The following PKIB variants were observed in gnomAD, a reference collection of about 807,000 sequenced individuals.
PKIB encodes the protein PKI-beta.
Under a neutral mutation model 4.5 loss-of-function variants are expected in PKIB, and 2 were observed. That is an observed-to-expected ratio of 0.44 (90% CI 0.18 to 1.39). The LOEUF is 1.39. Ranked by LOEUF, PKIB falls within the 40% of genes most tolerant of loss-of-function variation. PKIB has a pLI of 0.27. For missense variants in PKIB, 94 were observed against 92.6 expected, an observed-to-expected ratio of 1.02 and a Z score of -0.06; for synonymous variants, 38 against 36.0, an observed-to-expected ratio of 1.06 and a Z score of -0.20.
chr6:122,541,343 G>A (rs1582686641), intron 2 of PKIB, among the ~76,000 whole-genome samples: 1 of 151,980 alleles, frequency 6.6e-6, no homozygotes, highest in African/African-American at 2.4e-5. Flanking sequence ...TCCATGTTTA[G>A]TGCTTCCTTC....
chr6:122,488,604 A>T (rs927852688), intron 2 of PKIB, among the ~76,000 whole-genome samples: 4 of 147,596 alleles, frequency 2.7e-5, no homozygotes, highest in Non-Finnish European at 6.0e-5. Flanking sequence ...TAATTTTTGT[A>T]TTTTTTTTTT....
chr6:122,642,135 A>G (rs1408391669), intron 2 of PKIB, among the ~76,000 whole-genome samples: 1 of 152,226 alleles, frequency 6.6e-6, no homozygotes, highest in African/African-American at 2.4e-5. Context: ...CTTTGTTTCC[A>G]TGTTCAGACT....
At chr6:122,639,434 T>G (rs751346026) in intron 2 of PKIB, among the ~76,000 whole-genome samples, 2 of 152,190 alleles carry the variant, frequency 1.3e-5, no homozygotes, top group Non-Finnish European at 2.9e-5. Context: ...AATTCTTCAT[T>G]CCGTAAGTGT....
chr6:122,504,057 A>T (rs1776327012), intron 2 of PKIB, among the ~76,000 whole-genome samples: 1 of 152,108 alleles, frequency 6.6e-6, no homozygotes, highest in Admixed American at 6.5e-5. Flanking sequence ...CTAATGAGAG[A>T]TATATTCATA....
At chr6:122,649,845 G>C (rs1776479799) in intron 2 of PKIB, among the ~76,000 whole-genome samples, 2 of 152,146 alleles carry the variant, frequency 1.3e-5, no homozygotes, top group South Asian at 4.2e-4. Flanking sequence ...TTTGCACTGT[G>C]ATTCACCTTC....
At chr6:122,580,614 A>G (rs1412343248) in intron 2 of PKIB, among the ~76,000 whole-genome samples, 5 of 152,132 alleles carry the variant, frequency 3.3e-5, no homozygotes, top group African/African-American at 1.2e-4. Context: ...TAGGCTTTTC[A>G]GGCTGCTGAA....
chr6:122,569,233 G>T (rs1773285770), intron 2 of PKIB, among the ~76,000 whole-genome samples: 1 of 152,160 alleles, frequency 6.6e-6, no homozygotes, highest in African/African-American at 2.4e-5. Context: ...GAGCTTTATA[G>T]CTCCACCTAT....
intron 2 of PKIB, among the ~76,000 whole-genome samples, chr6:122,507,925 T>A (rs890392464): frequency 6.6e-6 from 1 of 152,142 alleles, no homozygotes; most frequent in East Asian, 1.9e-4. Context: ...TTTAAAAAAA[T>A]TTAAGGTAAC....
chr6:122,634,342 GA>G (rs1293759566), intron 2 of PKIB, among the ~76,000 whole-genome samples: 5 of 151,226 alleles, frequency 3.3e-5, no homozygotes, highest in African/African-American at 1.2e-4. Context: ...ATGTATCCCA[GA>G]ACTTAAAGTA....
At chr6:122,551,045 C>A (rs935582207) in intron 2 of PKIB, among the ~76,000 whole-genome samples, 2 of 152,096 alleles carry the variant, frequency 1.3e-5, no homozygotes, top group Non-Finnish European at 2.9e-5. Context: ...GGCATTCTAT[C>A]TTTTATCTCT....
chr6:122,533,851 T>G (rs1248965666), intron 2 of PKIB, among the ~76,000 whole-genome samples: 1 of 152,276 alleles, frequency 6.6e-6, no homozygotes, highest in East Asian at 1.9e-4. Flanking sequence ...TATCTCTATA[T>G]TGTATGGTCC....
intron 2 of PKIB, among the ~76,000 whole-genome samples, chr6:122,638,407 G>T (rs574321498): frequency 1.3e-5 from 2 of 152,122 alleles, no homozygotes; most frequent in African/African-American, 4.8e-5. Flanking sequence ...CAGTGTACCC[G>T]TGAACTTTCT....
intron 2 of PKIB, among the ~76,000 whole-genome samples, chr6:122,577,636 G>A (rs937579459): frequency 5.3e-5 from 8 of 152,096 alleles, no homozygotes; most frequent in African/African-American, 9.7e-5. Flanking sequence ...TGGGCCGGGC[G>A]CTGTGGCTCA....
chr6:122,661,501 C>T (rs1270876230), intron 2 of PKIB, among the ~76,000 whole-genome samples: 1 of 152,168 alleles, frequency 6.6e-6, no homozygotes, highest in East Asian at 1.9e-4. Context: ...CCAGGATCAT[C>T]AATGTTGTGG....
At chr6:122,638,613 C>T (rs1776016785) in intron 2 of PKIB, among the ~76,000 whole-genome samples, 2 of 152,230 alleles carry the variant, frequency 1.3e-5, no homozygotes, top group Admixed American at 1.3e-4. Context: ...GTTCTGCCTT[C>T]AGCCATTCAT....
At chr6:122,472,990 T>C (rs6909891) in intron 1 of PKIB, among the ~76,000 whole-genome samples, 18,984 of 152,116 alleles carry the variant, frequency 0.12, 1,325 homozygotes, top group East Asian at 0.21. Context: ...CACGCGCATG[T>C]AATCCCAGCT....
At chr6:122,512,170 A>C (rs765179552) in intron 2 of PKIB, among the ~76,000 whole-genome samples, 2 of 152,230 alleles carry the variant, frequency 1.3e-5, no homozygotes, top group Admixed American at 1.3e-4. Flanking sequence ...TAATTCAAGT[A>C]ATATAAAATG....
At chr6:122,629,363 G>T (rs552630624) in intron 1 of PKIB, among the ~76,000 whole-genome samples, 3 of 152,236 alleles carry the variant, frequency 2.0e-5, no homozygotes, top group Admixed American at 6.5e-5. Flanking sequence ...AGTACTATTG[G>T]ATTATAATCC....
intron 3 of PKIB, among the ~76,000 whole-genome samples, chr6:122,700,204 CGTA>C (rs146454478): frequency 0.32 from 48,105 of 149,446 alleles, 8,909 homozygotes; most frequent in South Asian, 0.56. Flanking sequence ...GGTTCCTCCC[CGTA>C]TCCAGGATAT....
Sources: allele counts gnomAD v4.1 joint callset (sites outside exome capture counted in the v4.1 genomes callset), GRCh38; gene constraint gnomAD v4.1.1; transcripts MANE v1.5; gene names NCBI Gene and HGNC (gene_info 2026-07-23, HGNC 2026-07-21).